The following NETO2 variants were observed in gnomAD, a reference collection of about 807,000 sequenced individuals.
The protein encoded by NETO2 is neuropilin and tolloid like 2.
A neutral mutation model predicts 62.5 loss-of-function variants in NETO2; 28 were observed. The observed-to-expected ratio is 0.45, with a 90% CI of 0.33 to 0.61. NETO2 has a LOEUF of 0.61. Among genes scored for constraint, NETO2 ranks in the 20% least tolerant of loss-of-function variants. The pLI is 0.02. For missense variants in NETO2, 548 were observed against 643.2 expected, an observed-to-expected ratio of 0.85 and a Z score of 1.60; for synonymous variants, 214 against 219.1, an observed-to-expected ratio of 0.98 and a Z score of 0.21.
chr16:47,122,607 A>G, intron 6 of NETO2, 50 bp downstream of exon 6: 1 of 1,585,088 alleles, frequency 6.3e-7, no homozygotes, highest in Non-Finnish European at 8.6e-7. Flanking sequence ...TTTGCAAATC[A>G]TGCCTTATCA....
intron 8 of NETO2, among the ~76,000 whole-genome samples, chr16:47,086,021 G>T (rs1034881641): frequency 1.5e-4 from 23 of 152,266 alleles, no homozygotes; most frequent in Non-Finnish European, 2.1e-4. Context: ...CAGGAGAATG[G>T]TGTGAACCCG....
At chr16:47,087,884 A>G (rs1963229192) in intron 7 of NETO2, among the ~76,000 whole-genome samples, 1 of 152,024 alleles carries the variant, frequency 6.6e-6, no homozygotes, top group Admixed American at 6.6e-5. Flanking sequence ...TCTATTTGGC[A>G]CCTATCCTTG....
intron 7 of NETO2, among the ~76,000 whole-genome samples, chr16:47,100,074 A>T (rs888691199): frequency 2.0e-5 from 3 of 152,240 alleles, no homozygotes; most frequent in African/African-American, 7.2e-5. Context: ...AACACTCCTT[A>T]GCAAATGCAA....
intron 7 of NETO2, among the ~76,000 whole-genome samples, chr16:47,104,527 C>T (rs1289310687): frequency 6.6e-6 from 1 of 152,138 alleles, no homozygotes; most frequent in African/African-American, 2.4e-5. Flanking sequence ...TAGAAAAAGT[C>T]ATCCTAAAGT....
At position 47,081,723 on chromosome 16, in the gene NETO2, T is replaced by C. The variant is rs887973978; in HGVS notation, c.*1498A>G. 1 of 152,514 alleles carries C rather than the reference T, an allele frequency of 6.6e-6. No individual in the cohort carries two copies. The highest frequency in any genetic ancestry group is 1.5e-5 in the Non-Finnish European group (1 of 67,974). 9.4% of individuals were successfully genotyped at this position (152,514 alleles called of 1,614,324 possible). A position where few individuals can be genotyped will look rare whatever the true frequency, so the allele number is the denominator to read the frequency against. ...CATGTCTGTATTACTTACAATTTGA[T>C]AAATGAGTTCCTTTCCATACATACC... On this transcript the variant is annotated 3_prime_UTR_variant, in exon 9 of 9. Transcript: ENST00000562435.
rs754296113 is a variant in NETO2, at chr16:47,129,275, T to G, written c.181A>C (p.Asn61His). The G allele has an allele frequency of 1.9e-6, 3 of 1,613,974 alleles. No homozygotes were observed. The East Asian group carries it at 6.7e-5, about 36-fold the overall frequency. Residue 61 changes from asparagine (N) to histidine (H), a missense_variant, in exon 3 of 9, where the codon AAT (asparagine) becomes CAT (histidine). Physicochemically the swap from Asn to His is moderately conservative, Grantham distance 68. Transcript: ENST00000562435. The part of the protein sequence containing the change: ...TSNGGHFASP[N>H]YPDSYPPNKE... ...TTTGGTGGATATGAGTCAGGATAATTTGGCGAAGCAAAATGACCTCCATTG... is the reference window on the plus strand; with the variant it reads ...TTTGGTGGATATGAGTCAGGATAATGTGGCGAAGCAAAATGACCTCCATTG...
chr16:47,126,563 T>C (rs932195238), intron 4 of NETO2, among the ~76,000 whole-genome samples: 4 of 152,192 alleles, frequency 2.6e-5, no homozygotes, highest in Non-Finnish European at 5.9e-5. Flanking sequence ...CATGTCATCA[T>C]GCATTTGTCA....
intron 7 of NETO2, among the ~76,000 whole-genome samples, chr16:47,100,484 C>CAA (rs538875578): frequency 2.1e-5 from 3 of 145,786 alleles, no homozygotes; most frequent in African/African-American, 7.6e-5. Context: ...GACAGAGACA[C>CAA]AAAAAAAAAC....
chr16:47,124,692 AG>A (rs748783646), intron 4 of NETO2, among the ~76,000 whole-genome samples: 8 of 152,228 alleles, frequency 5.3e-5, no homozygotes, highest in Non-Finnish European at 1.0e-4. Flanking sequence ...ATGATAGAGT[AG>A]GAAGTATTGC....
At chr16:47,100,463 G>C (rs1465684766) in intron 7 of NETO2, among the ~76,000 whole-genome samples, 1 of 151,872 alleles carries the variant, frequency 6.6e-6, no homozygotes, top group African/African-American at 2.4e-5. Context: ...GATCAGAGCA[G>C]AACTGAAGGA....
rs144106624 is a variant in NETO2 at position 47,101,699 on chromosome 16, A to G, written c.883+7784T>C. 9.5e-3 allele frequency among the ~76,000 whole-genome samples: 1,444 copies of G among 152,296 alleles called. 7 individuals are homozygous for G. Among genetic ancestry groups the G allele is most frequent in the Non-Finnish European group, 0.015 (1,046 of 68,002 alleles). On this transcript the variant is annotated intron_variant, in intron 7 of 8. Coordinates refer to ENST00000562435, the MANE Select transcript of NETO2 (RefSeq NM_018092.5). Reference sequence around the variant, plus strand: ...CATTCACAACTGCTACAAAGAGAATAAAATACCTAGGAATACTACTTACAA... The same window carrying G: ...CATTCACAACTGCTACAAAGAGAATGAAATACCTAGGAATACTACTTACAA...
At chr16:47,142,760 A>AT (rs1964486116) in intron 1 of NETO2, among the ~76,000 whole-genome samples, 1 of 152,190 alleles carries the variant, frequency 6.6e-6, no homozygotes, top group South Asian at 2.1e-4. Context: ...ATGTATATAA[A>AT]TTTTCATCTA....
chr16:47,137,876 C>T (rs1048864843), intron 1 of NETO2, among the ~76,000 whole-genome samples: 2 of 152,170 alleles, frequency 1.3e-5, no homozygotes, highest in African/African-American at 4.8e-5. Context: ...CTCTGTCATG[C>T]GAACAAGCTG....
At chr16:47,111,867 CA>C (rs1963808480) in intron 6 of NETO2, among the ~76,000 whole-genome samples, 1 of 152,004 alleles carries the variant, frequency 6.6e-6, no homozygotes, top group African/African-American at 2.4e-5. Flanking sequence ...GAGGCTTTTC[CA>C]ACTCCCTACA....
At chr16:47,137,290 C>T (rs1964377488) in intron 1 of NETO2, among the ~76,000 whole-genome samples, 1 of 152,140 alleles carries the variant, frequency 6.6e-6, no homozygotes, top group African/African-American at 2.4e-5. Flanking sequence ...AGACTCTGAT[C>T]CACTGGGTCT....
chr16:47,108,103 C>T lies in NETO2; in HGVS notation c.883+1380G>A, dbSNP rs146803434. Among the ~76,000 whole-genome samples, 7 of 151,824 alleles carry T rather than the reference C, an allele frequency of 4.6e-5. No homozygotes were observed. The East Asian group carries it at 1.4e-3, about 29-fold the overall frequency. On this transcript the variant is annotated intron_variant, in intron 7 of 8. Coordinates refer to ENST00000562435, the MANE Select transcript of NETO2 (RefSeq NM_018092.5). ...AATAATAATATTATTAATATTATAA[C>T]AATAGAATAAAATAAAATATCCATG...
At chr16:47,142,496 C>T (rs910808773) in intron 1 of NETO2, among the ~76,000 whole-genome samples, 2 of 152,114 alleles carry the variant, frequency 1.3e-5, no homozygotes, top group Non-Finnish European at 2.9e-5. Context: ...GGAAAAAAGT[C>T]ACTCTACAAA....
chr16:47,108,957 C>T (rs1228503482), intron 7 of NETO2, among the ~76,000 whole-genome samples: 3 of 152,192 alleles, frequency 2.0e-5, no homozygotes, highest in African/African-American at 7.2e-5. Context: ...GGATTCATAA[C>T]TATTCACCAA....
intron 7 of NETO2, among the ~76,000 whole-genome samples, chr16:47,087,294 G>A (rs1963214080): frequency 6.6e-6 from 1 of 152,138 alleles, no homozygotes; most frequent in East Asian, 1.9e-4. Context: ...AAAGCGCTGG[G>A]ATTACAGGTG....
Sources: allele counts gnomAD v4.1 joint callset (sites outside exome capture counted in the v4.1 genomes callset), GRCh38; gene constraint gnomAD v4.1.1; transcripts MANE v1.5; gene names NCBI Gene and HGNC (gene_info 2026-07-23, HGNC 2026-07-21).